The following ZBTB8OS variants were observed in gnomAD, a reference collection of about 807,000 sequenced individuals.
ZBTB8OS encodes the protein tRNA-splicing ligase-activating factor archease.
In ZBTB8OS, 16 loss-of-function variants were observed where a neutral mutation model predicts 29.3. That is an observed-to-expected ratio of 0.55 (90% CI 0.37 to 0.83). The LOEUF (loss-of-function observed/expected upper bound fraction) is 0.83. ZBTB8OS is among the 40% of genes least tolerant of loss of function. ZBTB8OS has a pLI of 0.00. For synonymous variants in ZBTB8OS, 70 were observed against 64.6 expected (o/e 1.08, Z -0.40); for missense variants, 160 against 196.9 (o/e 0.81, Z 1.12).
chr1:32,628,868 G>A (rs542671127), intron 5 of ZBTB8OS, among the ~76,000 whole-genome samples: 34 of 151,560 alleles, frequency 2.2e-4, no homozygotes, highest in Admixed American at 6.6e-4. Flanking sequence ...TCTGGGAGGC[G>A]GACATTGCAG....
chr1:32,625,804 G>A lies in ZBTB8OS; in HGVS notation c.417+1704C>T, dbSNP rs537216053. ...ATATGAATTTAGAATACAGTTATGT[G>A]CCGCATAACATTTTGGTCAATGACT... On this transcript the variant is annotated intron_variant, in intron 6 of 6. Transcript: ENST00000468695. 5.4e-4 allele frequency among the ~76,000 whole-genome samples: 82 copies of A among 151,894 alleles called. 1 individual carries two copies. In the South Asian group the frequency reaches 0.015, roughly 28 times the overall value.
intron 1 of ZBTB8OS, among the ~76,000 whole-genome samples, chr1:32,642,691 A>AT (rs1172880235): frequency 2.1e-5 from 3 of 146,202 alleles, no homozygotes; most frequent in African/African-American, 7.7e-5. Context: ...GGCAGCCACT[A>AT]TAGGACTTCA....
At chr1:32,643,293 G>A (rs1322645454) in intron 1 of ZBTB8OS, among the ~76,000 whole-genome samples, 5 of 150,876 alleles carry the variant, frequency 3.3e-5, no homozygotes, top group Non-Finnish European at 5.9e-5. Flanking sequence ...GGCTGGTCTC[G>A]AACCCCCGAC....
intron 1 of ZBTB8OS, among the ~76,000 whole-genome samples, chr1:32,642,597 G>A (rs376144301): frequency 3.8e-4 from 57 of 150,126 alleles, no homozygotes; most frequent in African/African-American, 1.2e-3. Flanking sequence ...AACATAGCTA[G>A]ATCTTTTTCT....
chr1:32,627,351 C>T (rs1277206911), intron 6 of ZBTB8OS, among the ~76,000 whole-genome samples, 157 bp downstream of exon 6: 1 of 152,182 alleles, frequency 6.6e-6, no homozygotes, highest in African/African-American at 2.4e-5. Flanking sequence ...TGTATAATCA[C>T]AGTATTTTAA....
chr1:32,646,191 C>T (rs1335526336), intron 1 of ZBTB8OS, among the ~76,000 whole-genome samples: 4 of 151,748 alleles, frequency 2.6e-5, no homozygotes, highest in Admixed American at 1.3e-4. Flanking sequence ...TGATGGTGCA[C>T]GCCTGTAATC....
intron 6 of ZBTB8OS, 46 bp downstream of exon 6, chr1:32,627,462 G>A (rs371480722): frequency 6.3e-7 from 1 of 1,588,980 alleles, no homozygotes. Context: ...GAACTTTATG[G>A]TAAGGAAATT....
chr1:32,643,738 G>A (rs986477342), intron 1 of ZBTB8OS, among the ~76,000 whole-genome samples: 4 of 151,526 alleles, frequency 2.6e-5, no homozygotes, highest in Admixed American at 6.6e-5. Context: ...CTCGTAATCC[G>A]CCTGCCTCAG....
intron 1 of ZBTB8OS, 50 bp downstream of exon 1, chr1:32,650,383 G>A (rs1400515983): frequency 4.3e-6 from 7 of 1,610,134 alleles, no homozygotes; most frequent in Non-Finnish European, 5.1e-6. Context: ...GTAAGGAGAG[G>A]GGATGCCTGT....
chr1:32,643,371 C>A (rs1027249215), intron 1 of ZBTB8OS, among the ~76,000 whole-genome samples: 3 of 134,464 alleles, frequency 2.2e-5, no homozygotes, highest in African/African-American at 8.2e-5. Flanking sequence ...CTGCACTTGG[C>A]CTTTAGTTTT....
rs1644754809 is a variant in ZBTB8OS, at chr1:32,621,494, C to G, written c.*368G>C. The G allele has an allele frequency of 5.8e-6, 1 of 171,626 alleles. No individual in the cohort carries two copies. Among genetic ancestry groups the G allele is most frequent in the African/African-American group, 2.4e-5 (1 of 41,968 alleles). 10.6% of individuals were successfully genotyped at this position (171,626 alleles called of 1,614,324 possible). Reference sequence around the variant, plus strand: ...TGGAAATATATTTTTTCAAGTTATTCTTCTTTCAACCTGGATTCAGCCTCA... The same window carrying G: ...TGGAAATATATTTTTTCAAGTTATTGTTCTTTCAACCTGGATTCAGCCTCA... On this transcript the variant is annotated 3_prime_UTR_variant, in exon 7 of 7. Coordinates refer to ENST00000468695, the MANE Select transcript of ZBTB8OS (RefSeq NM_178547.5).
At chr1:32,646,057 C>T (rs528048258) in intron 1 of ZBTB8OS, among the ~76,000 whole-genome samples, 1 of 152,152 alleles carries the variant, frequency 6.6e-6, no homozygotes, top group Non-Finnish European at 1.5e-5. Context: ...CAGTGCCTCA[C>T]GTCTGTACTC....
intron 2 of ZBTB8OS, 137 bp downstream of exon 2, chr1:32,634,631 T>G: frequency 8.8e-7 from 1 of 1,131,652 alleles, no homozygotes; most frequent in Non-Finnish European, 1.3e-6. Flanking sequence ...CAAAACTGAG[T>G]GCTTTCAAAC....
At chr1:32,649,668 A>ACTTTTT (rs1491538426) in intron 1 of ZBTB8OS, among the ~76,000 whole-genome samples, 1 of 31,130 alleles carries the variant, frequency 3.2e-5, no homozygotes, top group Non-Finnish European at 6.4e-5. Context: ...ACACACACAC[A>ACTTTTT]TTTTTTTTTT....
chr1:32,624,381 T>C (rs955768614), intron 6 of ZBTB8OS, among the ~76,000 whole-genome samples: 6 of 152,188 alleles, frequency 3.9e-5, no homozygotes, highest in Non-Finnish European at 7.3e-5. Flanking sequence ...CTTATCCTAT[T>C]ACATTTCTAC....
At chr1:32,647,041 C>CAAGAAAA (rs1646895193) in intron 1 of ZBTB8OS, among the ~76,000 whole-genome samples, 1 of 39,386 alleles carries the variant, frequency 2.5e-5, no homozygotes, top group Non-Finnish European at 4.3e-5. Context: ...GATACTGTCT[C>CAAGAAAA]AAAAAAAAAA....
At chr1:32,641,309 T>C (rs1283526693) in intron 1 of ZBTB8OS, among the ~76,000 whole-genome samples, 1 of 144,204 alleles carries the variant, frequency 6.9e-6, no homozygotes, top group Non-Finnish European at 1.5e-5. Flanking sequence ...ATTTTGCTCT[T>C]GTTGCCCAGG....
chr1:32,622,578 G>T (rs1421381780), intron 6 of ZBTB8OS, among the ~76,000 whole-genome samples: 2 of 151,900 alleles, frequency 1.3e-5, no homozygotes, highest in African/African-American at 2.4e-5. Context: ...TGAGAGTTGG[G>T]GGAGGGTGAG....
intron 1 of ZBTB8OS, among the ~76,000 whole-genome samples, chr1:32,641,265 G>GT (rs1160526101): frequency 0.012 from 1,177 of 97,268 alleles, 70 homozygotes; most frequent in East Asian, 0.029. Context: ...AATTACACAA[G>GT]TTTTTTTTTT....
Sources: allele counts gnomAD v4.1 joint callset (sites outside exome capture counted in the v4.1 genomes callset), GRCh38; gene constraint gnomAD v4.1.1; transcripts MANE v1.5; gene names NCBI Gene and HGNC (gene_info 2026-07-23, HGNC 2026-07-21).